The following PLEKHG1 variants were observed in gnomAD, a reference collection of about 807,000 sequenced individuals.
PLEKHG1 encodes the protein pleckstrin homology and RhoGEF domain containing G1.
PLEKHG1 carries 44 observed loss-of-function variants against 100.8 expected under a neutral mutation model. The observed-to-expected ratio is 0.44, with a 90% CI of 0.34 to 0.56. The LOEUF is 0.56. PLEKHG1 is among the 20% of genes least tolerant of loss of function. The pLI, the probability that PLEKHG1 is intolerant of heterozygous loss-of-function variation, is 0.01. For synonymous variants in PLEKHG1, 640 were observed against 662.5 expected, an observed-to-expected ratio of 0.97 and a Z score of 0.52; for missense variants, 1,545 against 1,720.9, an observed-to-expected ratio of 0.90 and a Z score of 1.81.
chr6:150,733,977 C>G lies in PLEKHG1; in HGVS notation c.296C>G (p.Pro99Arg), dbSNP rs201249819. Residue 99 changes from proline (P) to arginine (R), a missense_variant, in exon 2 of 16, where the codon CCC (proline) becomes CGC (arginine). Physicochemically the swap from Pro to Arg is moderately radical, Grantham distance 103 (BLOSUM62 -2). Coordinates refer to ENST00000358517, the Ensembl canonical transcript of PLEKHG1. ...TGGAGAGTGGACTCAAACGGGGCAC[C>G]CAAGACGATCGCAGACTCGGCCACG... 583 of 1,614,014 alleles carry G rather than the reference C, an allele frequency of 3.6e-4. No homozygotes were observed. The highest frequency in any genetic ancestry group is 4.7e-4 in the Non-Finnish European group (555 of 1,180,040).
intron 3 of PLEKHG1, among the ~76,000 whole-genome samples, chr6:150,661,697 A>G (rs909532392): frequency 6.6e-5 from 10 of 152,206 alleles, no homozygotes; most frequent in Non-Finnish European, 1.3e-4. Context: ...TTATTAGGCC[A>G]TGTATCTTGA....
chr6:150,729,827 C>T (rs925323573), intron 1 of PLEKHG1, among the ~76,000 whole-genome samples: 1 of 152,064 alleles, frequency 6.6e-6, no homozygotes, highest in Non-Finnish European at 1.5e-5. Flanking sequence ...TTCCCCGCAG[C>T]GGTGCCCCCT....
exon 16 of PLEKHG1, chr6:150,841,252 T>C (rs1213781036): frequency 3.0e-6 from 1 of 332,388 alleles, no homozygotes; most frequent in East Asian, 7.8e-5. Flanking sequence ...AAGGCCCAGG[T>C]AGTTTTATCC....
At chr6:150,821,011 C>T (rs886101422) in intron 12 of PLEKHG1, among the ~76,000 whole-genome samples, 184 bp from the exon 14 acceptor site, 16 of 152,176 alleles carry the variant, frequency 1.1e-4, no homozygotes, top group African/African-American at 3.6e-4. Context: ...ATTTATTCTA[C>T]CATTTTAGCA....
chr6:150,705,283 G>A (rs920225071), intron 3 of PLEKHG1, among the ~76,000 whole-genome samples: 2 of 152,182 alleles, frequency 1.3e-5, no homozygotes, highest in South Asian at 2.1e-4. Context: ...ATATGCCATC[G>A]GAACACTCAT....
chr6:150,654,076 G>A (rs1778863492), intron 3 of PLEKHG1, among the ~76,000 whole-genome samples: 1 of 152,092 alleles, frequency 6.6e-6, no homozygotes, highest in Non-Finnish European at 1.5e-5. Context: ...TCTTGTCCAG[G>A]GTTTCACCTA....
At chr6:150,749,901 G>C (rs529723172) in intron 2 of PLEKHG1, among the ~76,000 whole-genome samples, 1 of 151,940 alleles carries the variant, frequency 6.6e-6, no homozygotes, top group Non-Finnish European at 1.5e-5. Context: ...GTGAAACCCC[G>C]TCTCTACTAA....
rs370137499 is a variant in PLEKHG1 at position 150,750,642 on chromosome 6, G to A, written c.411+16550G>A. On this transcript the variant is annotated intron_variant, in intron 2 of 15. Transcript: ENST00000358517. ...AAAAATACAAAAAAATTAGCCGGGC[G>A]TAGTGGCGGGCGCCTGTAGTCCCAG... 2.6e-3 allele frequency among the ~76,000 whole-genome samples: 392 copies of A among 150,318 alleles called. 2 individuals carry two copies. The highest frequency in any genetic ancestry group is 8.5e-3 in the African/African-American group (346 of 40,896).
intron 1 of PLEKHG1, among the ~76,000 whole-genome samples, chr6:150,615,603 A>G (rs1777041702): frequency 6.6e-6 from 1 of 152,258 alleles, no homozygotes; most frequent in Admixed American, 6.5e-5. Flanking sequence ...CTATACAGAT[A>G]TAAAATCACA....
At chr6:150,705,605 A>C (rs1169188566) in intron 3 of PLEKHG1, among the ~76,000 whole-genome samples, 2 of 151,852 alleles carry the variant, frequency 1.3e-5, no homozygotes, top group African/African-American at 2.4e-5. Flanking sequence ...TGCTCAATCC[A>C]CCTCCAGTCT....
chr6:150,655,674 C>T (rs1183268481), intron 3 of PLEKHG1, among the ~76,000 whole-genome samples: 1 of 139,612 alleles, frequency 7.2e-6, no homozygotes, highest in African/African-American at 2.7e-5. Context: ...TGCCACTGCA[C>T]TCCAGCCTGG....
At chr6:150,741,665 A>G (rs192079593) in intron 2 of PLEKHG1, among the ~76,000 whole-genome samples, 6,533 of 152,236 alleles carry the variant, frequency 0.043, 424 homozygotes, top group African/African-American at 0.14. Flanking sequence ...AAAGTGACTT[A>G]TCCCCCAGGT....
chr6:150,721,485 T>G (rs1781671853), intron 1 of PLEKHG1, among the ~76,000 whole-genome samples: 1 of 152,200 alleles, frequency 6.6e-6, no homozygotes, highest in Non-Finnish European at 1.5e-5. Flanking sequence ...TTCCTTAAAG[T>G]GAGGTTGAAA....
chr6:150,719,307 T>C (rs199923466), upstream of PLEKHG1, among the ~76,000 whole-genome samples: 3 of 150,858 alleles, frequency 2.0e-5, no homozygotes, highest in African/African-American at 7.3e-5. Flanking sequence ...AAAAAAAAAA[T>C]CCAAGTACAA....
chr6:150,651,615 T>G (rs1168931441), intron 3 of PLEKHG1, among the ~76,000 whole-genome samples: 2 of 151,976 alleles, frequency 1.3e-5, no homozygotes, highest in East Asian at 3.9e-4. Flanking sequence ...TCCCAGCACT[T>G]TGGGAGGCCA....
At chr6:150,766,518 G>A (rs903279041) in intron 2 of PLEKHG1, among the ~76,000 whole-genome samples, 2 of 152,214 alleles carry the variant, frequency 1.3e-5, no homozygotes, top group South Asian at 4.1e-4. Context: ...ATGATCAGTG[G>A]GGGGGAACAA....
At chr6:150,814,064 A>G in intron 10 of PLEKHG1, among the ~76,000 whole-genome samples, 1 of 152,310 alleles carries the variant, frequency 6.6e-6, no homozygotes, top group East Asian at 1.9e-4. Context: ...TCAGGAAATG[A>G]ATGTGCATAG....
chr6:150,711,303 G>A (rs1313102193), intron 3 of PLEKHG1, among the ~76,000 whole-genome samples: 3 of 152,018 alleles, frequency 2.0e-5, no homozygotes, highest in Non-Finnish European at 2.9e-5. Context: ...TCCCTGCACC[G>A]CTCCCCATCA....
At chr6:150,789,433 G>A (rs1158278296) in intron 4 of PLEKHG1, among the ~76,000 whole-genome samples, 1 of 152,000 alleles carries the variant, frequency 6.6e-6, no homozygotes, top group African/African-American at 2.4e-5. Flanking sequence ...ACAAACCTAA[G>A]GGCAAACTTG....
Sources: gnomAD v4.1 joint callset for allele counts (sites outside exome capture counted in the v4.1 genomes callset) on GRCh38, gnomAD v4.1.1 for gene constraint, MANE v1.5 for transcripts, NCBI Gene and HGNC (gene_info 2026-07-23, HGNC 2026-07-21) for gene names.